Variants in PTK2 observed in about 807,000 individuals in gnomAD.
PTK2 encodes the protein protein tyrosine kinase 2, also known as focal adhesion kinase 1.
PTK2 carries 45 observed loss-of-function variants against 150.1 expected under a neutral mutation model. The observed-to-expected ratio is 0.30, with a 90% CI of 0.24 to 0.38. The LOEUF (loss-of-function observed/expected upper bound fraction) is 0.38, where lower values mean the gene tolerates loss of function less well. PTK2 is among the 10% of genes least tolerant of loss of function. The pLI is 1.00. For missense variants in PTK2, 919 were observed against 1,307.3 expected (o/e 0.70, Z 4.58); for synonymous variants, 432 against 449.2 (o/e 0.96, Z 0.48).
chr8:140,758,242 C>T (rs922368263), intron 16 of PTK2, among the ~76,000 whole-genome samples: 12 of 152,146 alleles, frequency 7.9e-5, no homozygotes, highest in South Asian at 2.1e-4. Flanking sequence ...GTGTGCACCA[C>T]CAGGCCAGGT....
At chr8:140,975,064 C>T (rs140508811) in intron 1 of PTK2, among the ~76,000 whole-genome samples, 1 of 152,252 alleles carries the variant, frequency 6.6e-6, no homozygotes, top group African/African-American at 2.4e-5. Flanking sequence ...CCCTTAAGTC[C>T]TTCATTTATA....
chr8:140,673,919 A>T (rs988433547), intron 29 of PTK2, among the ~76,000 whole-genome samples: 3 of 152,226 alleles, frequency 2.0e-5, no homozygotes, highest in Non-Finnish European at 4.4e-5. Context: ...ATAAACTCCT[A>T]CAAAAAGTCC....
chr8:140,660,710 A>T (rs889869840), intron 31 of PTK2: 6 of 436,658 alleles, frequency 1.4e-5, no homozygotes, highest in Non-Finnish European at 2.8e-5. Context: ...TGGGTGACAG[A>T]GCCAGACCAT....
chr8:140,663,017 A>G (rs2082982539), intron 31 of PTK2: 1 of 370,380 alleles, frequency 2.7e-6, no homozygotes, highest in Non-Finnish European at 4.8e-6. Flanking sequence ...CAGGCGACGG[A>G]AAAGTGCTAC....
intron 2 of PTK2, among the ~76,000 whole-genome samples, chr8:140,923,497 T>C (rs1283842566): frequency 6.6e-6 from 1 of 152,228 alleles, no homozygotes; most frequent in Non-Finnish European, 1.5e-5. Context: ...ACTGGCTAGT[T>C]TGGTGATACA....
intron 10 of PTK2, among the ~76,000 whole-genome samples, chr8:140,806,115 G>A (rs2100098040): frequency 6.6e-6 from 1 of 152,242 alleles, no homozygotes; most frequent in South Asian, 2.1e-4. Context: ...CATCCTCGAC[G>A]GCTTTCAAAT....
chr8:140,767,907 TGAA>T (rs1406603027), intron 14 of PTK2, among the ~76,000 whole-genome samples: 13 of 152,108 alleles, frequency 8.5e-5, no homozygotes, highest in Non-Finnish European at 1.8e-4. Context: ...GAGTACAGTC[TGAA>T]ACTTCCTGGG....
intron 25 of PTK2, among the ~76,000 whole-genome samples, chr8:140,701,292 A>C (rs1370923267): frequency 6.6e-6 from 1 of 152,212 alleles, no homozygotes. Flanking sequence ...CAAAGAATAC[A>C]TTGTTACTTA....
Position 140,661,494 on chromosome 8 carries a change from T to G in PTK2, c.2947-1816A>C, listed in dbSNP as rs111831638. ...GCAAACAAGGAAAGCAGACCGTTCT[T>G]GCCAATGGCAGACAGTTGGAGATCA... On this transcript the variant is annotated intron_variant, in intron 31 of 31. Transcript: ENST00000522684. Among the ~76,000 whole-genome samples the G allele has an allele frequency of 2.5e-3, 386 of 152,328 alleles. 7 individuals carry two copies. The highest frequency in any genetic ancestry group is 8.7e-3 in the African/African-American group (362 of 41,582).
chr8:140,837,580 T>C (rs1443956663), intron 7 of PTK2, among the ~76,000 whole-genome samples: 1 of 146,450 alleles, frequency 6.8e-6, no homozygotes, highest in Non-Finnish European at 1.5e-5. Flanking sequence ...AATAAAAAAA[T>C]TAGCTGGGCG....
intron 30 of PTK2, among the ~76,000 whole-genome samples, chr8:140,665,311 T>G (rs1478859619): frequency 6.6e-6 from 1 of 152,086 alleles, no homozygotes; most frequent in Non-Finnish European, 1.5e-5. Flanking sequence ...AAGCAGATTA[T>G]ACCACCCTCC....
At chr8:140,885,510 T>C (rs1470834923) in intron 3 of PTK2, among the ~76,000 whole-genome samples, 1 of 152,078 alleles carries the variant, frequency 6.6e-6, no homozygotes, top group Non-Finnish European at 1.5e-5. Flanking sequence ...ACGATGTCAA[T>C]AATAATGATC....
At chr8:140,904,889 T>C (rs966934603) in intron 2 of PTK2, among the ~76,000 whole-genome samples, 3 of 152,148 alleles carry the variant, frequency 2.0e-5, no homozygotes, top group Non-Finnish European at 4.4e-5. Flanking sequence ...TCTTCTCTCT[T>C]TTCTTCTTTA....
chr8:140,989,922 A>AC (rs1409037283), intron 1 of PTK2, among the ~76,000 whole-genome samples: 2 of 151,950 alleles, frequency 1.3e-5, no homozygotes, highest in Non-Finnish European at 2.9e-5. Flanking sequence ...AAAAAAAAAA[A>AC]AAAGAGCAAC....
intron 5 of PTK2, among the ~76,000 whole-genome samples, chr8:140,863,664 GCA>G (rs1347228647): frequency 6.6e-6 from 1 of 152,162 alleles, no homozygotes; most frequent in African/African-American, 2.4e-5. Context: ...ACTCTTCTAT[GCA>G]CAGTCACGTC....
At chr8:140,664,358 C>T (rs1415866814) in intron 31 of PTK2, among the ~76,000 whole-genome samples, 2 of 152,026 alleles carry the variant, frequency 1.3e-5, no homozygotes, top group Non-Finnish European at 2.9e-5. Context: ...TCTTGAAATC[C>T]AGGCCTCAAG....
intron 30 of PTK2, 21 bp downstream of exon 34, chr8:140,668,248 C>A: frequency 6.2e-7 from 1 of 1,613,674 alleles, no homozygotes; most frequent in South Asian, 1.1e-5. Flanking sequence ...TTTGCCAGTA[C>A]ACAAAATGAC....
At position 140,859,656 on chromosome 8, in the gene PTK2, C is replaced by CA. The variant is rs201367719; in HGVS notation, c.450+4655dup. Among the ~76,000 whole-genome samples, 698 of 152,306 alleles carry CA rather than the reference C, an allele frequency of 4.6e-3. 3 individuals are homozygous for CA. The highest frequency in any genetic ancestry group is 0.016 in the African/African-American group (658 of 41,578). The stretch of plus-strand genomic sequence containing the variant: ...ACACTTCAGTGAAGGTTCTCACACA[C>CA]AATACTTACGTAACGTTTCAGCTGC... On this transcript the variant is annotated intron_variant, in intron 5 of 31. Coordinates refer to ENST00000522684, the Ensembl canonical transcript of PTK2.
intron 10 of PTK2, among the ~76,000 whole-genome samples, chr8:140,804,830 G>A (rs1294766284): frequency 2.0e-5 from 3 of 152,156 alleles, no homozygotes; most frequent in Admixed American, 6.5e-5. Context: ...TTCCCCGGGA[G>A]GCCACAGGCA....
Sources: allele counts gnomAD v4.1 joint callset (sites outside exome capture counted in the v4.1 genomes callset), GRCh38; gene constraint gnomAD v4.1.1; transcripts MANE v1.5; gene names NCBI Gene and HGNC (gene_info 2026-07-23, HGNC 2026-07-21).